Variants in TAOK3 observed in about 807,000 individuals in gnomAD.
TAOK3 encodes serine/threonine-protein kinase TAO3.
Under a neutral mutation model 120.4 loss-of-function variants are expected in TAOK3, and 40 were observed. The ratio of observed to expected loss-of-function variants is 0.33; its 90% confidence interval spans 0.26 to 0.43. The LOEUF is 0.43. TAOK3 is among the 20% of genes least tolerant of loss of function. TAOK3 has a pLI of 1.00. For synonymous variants in TAOK3, 355 were observed against 387.5 expected (o/e 0.92, Z 0.99); for missense variants, 821 against 1,112.1 (o/e 0.74, Z 3.72).
At chr12:118,294,289 G>A (rs1193050615) in intron 1 of TAOK3, among the ~76,000 whole-genome samples, 1 of 152,094 alleles carries the variant, frequency 6.6e-6, no homozygotes, top group African/African-American at 2.4e-5. Context: ...TCTGCAGTCA[G>A]TAAACGTCTC....
chr12:118,205,222 C>G (rs2038233786), intron 11 of TAOK3, among the ~76,000 whole-genome samples: 1 of 151,184 alleles, frequency 6.6e-6, no homozygotes, highest in Admixed American at 6.6e-5. Flanking sequence ...CCAAAATTAG[C>G]CAGGCGTGGT....
At chr12:118,310,238 C>T (rs561051509) in intron 1 of TAOK3, among the ~76,000 whole-genome samples, 22 of 152,292 alleles carry the variant, frequency 1.4e-4, no homozygotes, top group Middle Eastern at 6.8e-3. Context: ...GAGCCGTGAT[C>T]GTGCCACTGC....
At chr12:118,324,383 C>T (rs906140309) in intron 1 of TAOK3, among the ~76,000 whole-genome samples, 10 of 152,228 alleles carry the variant, frequency 6.6e-5, no homozygotes, top group African/African-American at 1.9e-4. Context: ...GTGTTAGGAA[C>T]ATTCCAATTC....
rs112725005 is a variant in TAOK3, at chr12:118,271,507, G to A, written c.-193-4748C>T. On this transcript the variant is annotated intron_variant, in intron 1 of 20. Coordinates refer to ENST00000392533, the MANE Select transcript of TAOK3 (RefSeq NM_016281.4). ...CAAATCCAATGCATAGCATGAATCA[G>A]TATTTCTTTTTATTGCCAAATAATA... 8.7e-3 allele frequency among the ~76,000 whole-genome samples: 1,327 copies of A among 152,242 alleles called. 17 individuals carry two copies. Among genetic ancestry groups the A allele is most frequent in the African/African-American group, 0.031 (1,283 of 41,540 alleles).
chr12:118,291,329 T>G (rs1328705441), intron 1 of TAOK3, among the ~76,000 whole-genome samples: 1 of 151,536 alleles, frequency 6.6e-6, no homozygotes, highest in Non-Finnish European at 1.5e-5. Flanking sequence ...GCTAATTTTT[T>G]TTTGTCGTTT....
intron 9 of TAOK3, 127 bp from the exon 10 acceptor site, chr12:118,214,237 C>G: frequency 1.5e-6 from 1 of 689,296 alleles, no homozygotes; most frequent in Non-Finnish European, 2.4e-6. Context: ...GCCACATAAT[C>G]CACTTATTTT....
intron 13 of TAOK3, among the ~76,000 whole-genome samples, chr12:118,192,433 G>C (rs2037483455): frequency 6.6e-6 from 1 of 151,988 alleles, no homozygotes; most frequent in African/African-American, 2.4e-5. Flanking sequence ...TAGTTTTCCA[G>C]ATCATTTTCA....
At chr12:118,167,512 G>A (rs2035678590) in intron 17 of TAOK3, among the ~76,000 whole-genome samples, 1 of 150,292 alleles carries the variant, frequency 6.7e-6, no homozygotes, top group Non-Finnish European at 1.5e-5. Context: ...AAATGATATT[G>A]AGGCCATACA....
At chr12:118,285,986 C>G (rs1044507591) in intron 1 of TAOK3, among the ~76,000 whole-genome samples, 2 of 152,140 alleles carry the variant, frequency 1.3e-5, no homozygotes, top group Non-Finnish European at 2.9e-5. Flanking sequence ...TGGTTGCATT[C>G]TTTTGAGTTT....
chr12:118,324,071 T>A (rs528295862), intron 1 of TAOK3, among the ~76,000 whole-genome samples: 85 of 152,098 alleles, frequency 5.6e-4, no homozygotes, highest in Non-Finnish European at 8.2e-4. Context: ...CTAACAAAAA[T>A]TATGATATAA....
intron 1 of TAOK3, among the ~76,000 whole-genome samples, chr12:118,284,743 G>A (rs1166277870): frequency 6.6e-6 from 1 of 151,942 alleles, no homozygotes; most frequent in Admixed American, 6.6e-5. Context: ...GGTAACCCAG[G>A]CAAAGACTGC....
At chr12:118,302,758 T>A (rs533329654) in intron 1 of TAOK3, among the ~76,000 whole-genome samples, 2 of 152,224 alleles carry the variant, frequency 1.3e-5, no homozygotes, top group Non-Finnish European at 2.9e-5. Flanking sequence ...CTGATAAACT[T>A]GGTATTAAAA....
chr12:118,245,974 G>C (rs1236635587), intron 3 of TAOK3: 3 of 555,874 alleles, frequency 5.4e-6, no homozygotes, highest in African/African-American at 4.0e-5. Context: ...AAATGTTTTG[G>C]TCAAAAACAA....
intron 1 of TAOK3, among the ~76,000 whole-genome samples, chr12:118,288,375 T>C (rs1215607204): frequency 6.6e-6 from 1 of 151,936 alleles, no homozygotes; most frequent in African/African-American, 2.4e-5. Context: ...TTAAATGAGG[T>C]CATATGGGTG....
At chr12:118,206,849 C>A (rs1040007954) in intron 11 of TAOK3, among the ~76,000 whole-genome samples, 2 of 152,034 alleles carry the variant, frequency 1.3e-5, no homozygotes, top group Non-Finnish European at 2.9e-5. Flanking sequence ...CCCACCTCAG[C>A]CTCCAAAAGT....
At chr12:118,321,988 T>C (rs1259695946) in intron 1 of TAOK3, among the ~76,000 whole-genome samples, 3 of 152,022 alleles carry the variant, frequency 2.0e-5, no homozygotes, top group Non-Finnish European at 4.4e-5. Flanking sequence ...AGAACTGGGA[T>C]GGAAGAAAAT....
intron 1 of TAOK3, among the ~76,000 whole-genome samples, chr12:118,290,606 C>T (rs2042434684): frequency 6.6e-6 from 1 of 152,184 alleles, no homozygotes; most frequent in African/African-American, 2.4e-5. Flanking sequence ...ATTTCTGCCA[C>T]CCAGGCTAGA....
intron 1 of TAOK3, among the ~76,000 whole-genome samples, chr12:118,322,569 A>G (rs1350456401): frequency 1.3e-5 from 2 of 152,032 alleles, no homozygotes; most frequent in East Asian, 1.9e-4. Flanking sequence ...GTAGTGTGAG[A>G]GCAGCCATAG....
chr12:118,172,706 G>A (rs775301835), intron 16 of TAOK3, 46 bp from the exon 17 acceptor site: 2 of 1,500,688 alleles, frequency 1.3e-6, no homozygotes, highest in East Asian at 2.3e-5. Context: ...TAAATGAAAG[G>A]GACTGTAACA....
Sources: allele counts gnomAD v4.1 joint callset (sites outside exome capture counted in the v4.1 genomes callset), GRCh38; gene constraint gnomAD v4.1.1; transcripts MANE v1.5; gene names NCBI Gene and HGNC (gene_info 2026-07-23, HGNC 2026-07-21).